SENP7: variants seen among roughly 807,000 people sequenced by gnomAD.
SENP7 encodes the protein sentrin-specific protease 7.
In SENP7, 64 loss-of-function variants were observed where a neutral mutation model predicts 141.2. The observed-to-expected ratio is 0.45, with a 90% CI of 0.37 to 0.56. The LOEUF is 0.56. Among genes scored for constraint, SENP7 ranks in the 20% least tolerant of loss-of-function variants. The probability of loss-of-function intolerance (pLI) is 0.00; values close to 1 mark genes in which losing one functional copy is unlikely to be tolerated. For missense variants in SENP7, 1,025 were observed against 1,212.2 expected (o/e 0.85, Z 2.29); for synonymous variants, 382 against 426.4 (o/e 0.90, Z 1.28).
At position 101,457,325 on chromosome 3, in the gene SENP7, T is replaced by C. The variant is rs1576413097; in HGVS notation, c.284+1630A>G. On this transcript the variant is annotated intron_variant, in intron 4 of 23. Transcript: ENST00000394095. Reference sequence around the variant, plus strand: ...CATCATCATCCTCCCCAGTAGCAAGTGGTGCTTTTCCATCCATGGATTGTT... The same window carrying C: ...CATCATCATCCTCCCCAGTAGCAAGCGGTGCTTTTCCATCCATGGATTGTT... 2.8e-6 allele frequency: 4 copies of C among 1,423,330 alleles called. No individual in the cohort carries two copies. In the East Asian group the frequency reaches 9.1e-5, roughly 32 times the overall value. The allele number at this position is 1,423,330 out of a possible 1,614,324, so 88.2% of individuals were successfully genotyped here. A position where few individuals can be genotyped will look rare whatever the true frequency, so the allele number is the denominator to read the frequency against.
chr3:101,497,021 T>G (rs1198678353), intron 2 of SENP7, among the ~76,000 whole-genome samples: 1 of 152,248 alleles, frequency 6.6e-6, no homozygotes, highest in Non-Finnish European at 1.5e-5. Context: ...TGAAATATGC[T>G]AATTTTCTAA....
chr3:101,510,489 C>T (rs1385696711), intron 1 of SENP7, among the ~76,000 whole-genome samples: 9 of 152,196 alleles, frequency 5.9e-5, no homozygotes, highest in Non-Finnish European at 1.2e-4. Flanking sequence ...TACCCACCTT[C>T]CTTCTACCTC....
At chr3:101,511,374 A>C (rs2065849702) in intron 1 of SENP7, among the ~76,000 whole-genome samples, 1 of 152,196 alleles carries the variant, frequency 6.6e-6, no homozygotes, top group African/African-American at 2.4e-5. Flanking sequence ...CCTAGATGAA[A>C]TGCATTTATT....
intron 13 of SENP7, among the ~76,000 whole-genome samples, chr3:101,346,855 A>G (rs951346090): frequency 6.6e-6 from 1 of 152,012 alleles, no homozygotes; most frequent in Non-Finnish European, 1.5e-5. Context: ...AATTACCACT[A>G]AAGAACTTAT....
intron 5 of SENP7, among the ~76,000 whole-genome samples, chr3:101,402,869 A>C (rs1046562939): frequency 3.3e-5 from 5 of 152,208 alleles, no homozygotes; most frequent in African/African-American, 9.6e-5. Flanking sequence ...TGTTGTTTTC[A>C]TGCCTGCTAA....
At chr3:101,487,717 A>C (rs1007702528) in intron 3 of SENP7, among the ~76,000 whole-genome samples, 1 of 152,162 alleles carries the variant, frequency 6.6e-6, no homozygotes, top group Non-Finnish European at 1.5e-5. Flanking sequence ...TTGAATAGGG[A>C]ATCCTTTCCC....
chr3:101,341,497 A>T lies in SENP7; in HGVS notation c.2240+149T>A, dbSNP rs116856873. On this transcript the variant is annotated intron_variant, in intron 15 of 23. Transcript: ENST00000394095. ...TCTTAATAAATTTTTTAACTTCCTCATAATTTCTTTAAAAAAACCTATTTC... is the reference window on the plus strand; with the variant it reads ...TCTTAATAAATTTTTTAACTTCCTCTTAATTTCTTTAAAAAAACCTATTTC... 3.0e-4 allele frequency: 194 copies of T among 642,588 alleles called. No homozygotes were observed. In the East Asian group the frequency reaches 6.0e-3, roughly 20 times the overall value. 39.8% of individuals were successfully genotyped at this position (642,588 alleles called of 1,614,324 possible).
rs762649525 is a variant in SENP7, at chr3:101,347,976, T to A, written c.1733A>T (p.Asp578Val). Residue 578 changes from aspartate (D) to valine (V), a missense_variant, in exon 13 of 24, where the codon GAT becomes GTT. Around this residue, in one of 4 missense-constraint regions of SENP7, gnomAD observed 228 missense variants for 228.5 expected, o/e 1.00. Transcript: ENST00000394095. ...AGCATGACTCCTTTTACTGTGATTA[T>A]CATCCTTACTTTTCCATAACCCAAA... ...KRFGLWKSKDDNHSKRSHAIL... is the reference protein window; with the variant it reads ...KRFGLWKSKDVNHSKRSHAIL... 7.4e-6 allele frequency: 12 copies of A among 1,611,494 alleles called. No homozygotes were observed. The African/African-American group carries it at 1.3e-4, about 18-fold the overall frequency.
intron 4 of SENP7, chr3:101,457,834 G>T: frequency 1.8e-6 from 1 of 562,046 alleles, no homozygotes; most frequent in Non-Finnish European, 3.2e-6. Flanking sequence ...GATGCAAGAC[G>T]GCAGCTAAAG....
rs573293464 is a variant in SENP7, at chr3:101,372,396, G to A, written c.678-270C>T. On this transcript the variant is annotated intron_variant, in intron 6 of 23. Transcript: ENST00000394095. Reference sequence around the variant, plus strand: ...GTGTACATGCAAAATGAGCAAAAGAGTAATACTATACAAGTATTAAATTAG... The same window carrying A: ...GTGTACATGCAAAATGAGCAAAAGAATAATACTATACAAGTATTAAATTAG... Among the ~76,000 whole-genome samples, 10 of 152,176 alleles carry A rather than the reference G, an allele frequency of 6.6e-5. No homozygotes were observed. In the East Asian group the frequency reaches 1.3e-3, roughly 21 times the overall value.
intron 4 of SENP7, chr3:101,457,100 G>A (rs748802271): frequency 1.6e-5 from 10 of 624,290 alleles, no homozygotes; most frequent in Non-Finnish European, 2.5e-5. Flanking sequence ...GAGCTGCAGT[G>A]TCCAAAGGGC....
intron 3 of SENP7, among the ~76,000 whole-genome samples, chr3:101,481,534 C>G (rs1022931274): frequency 4.6e-5 from 7 of 152,014 alleles, no homozygotes; most frequent in Non-Finnish European, 1.0e-4. Context: ...TTAATGGCTA[C>G]AAACATACAG....
intron 2 of SENP7, among the ~76,000 whole-genome samples, chr3:101,498,761 A>G (rs2065256602): frequency 6.6e-6 from 1 of 152,184 alleles, no homozygotes; most frequent in Non-Finnish European, 1.5e-5. Flanking sequence ...CGGGAGAATT[A>G]GGGCCTGCAC....
At position 101,449,211 on chromosome 3, in the gene SENP7, T is replaced by C. The variant is rs1308196869; in HGVS notation, c.284+9744A>G. On this transcript the variant is annotated intron_variant, in intron 4 of 23. Coordinates refer to ENST00000394095, the MANE Select transcript of SENP7 (RefSeq NM_020654.5). ...AAACGAATAAAGCCTCCAAGAAATA[T>C]GGGACTATGTGAAAAGACCAAATCT... Among the ~76,000 whole-genome samples, 6 of 152,192 alleles carry C rather than the reference T, an allele frequency of 3.9e-5. No individual in the cohort carries two copies. The East Asian group carries it at 9.6e-4, about 24-fold the overall frequency.
chr3:101,338,817 AG>A (rs1207206113), intron 16 of SENP7, among the ~76,000 whole-genome samples: 1 of 152,228 alleles, frequency 6.6e-6, no homozygotes, highest in Admixed American at 6.5e-5. Flanking sequence ...ATACTCAAAA[AG>A]GTCTTTCCTC....
At position 101,330,350 on chromosome 3, in the gene SENP7, C is replaced by T; in HGVS notation, c.2735G>A (p.Ser912Asn). 1 of 1,608,066 alleles carries T rather than the reference C, an allele frequency of 6.2e-7. No individual in the cohort carries two copies. Among genetic ancestry groups the T allele is most frequent in the Non-Finnish European group, 8.5e-7 (1 of 1,174,998 alleles). ...CACACTTACTTGGGAATCCTCTGCA[C>T]TCAAAGACAGTGTCGAAGTAGTACG... The part of the protein sequence containing the change: ...DLRTTSTLSL[S>N]AEDSQSTESN... Residue 912 changes from serine to asparagine, a missense_variant, in exon 20 of 24, where the codon AGT becomes AAT. By Grantham distance (46) the Ser-to-Asn change is conservative. This residue lies in a region of SENP7 where 295 missense variants were observed against 459.1 expected (regional missense o/e 0.64). Transcript: ENST00000394095.
intron 3 of SENP7, 63 bp downstream of exon 3, chr3:101,493,810 T>C (rs2065056154): frequency 2.0e-6 from 2 of 979,044 alleles, no homozygotes; most frequent in South Asian, 1.7e-5. Context: ...TCAGTTTTAT[T>C]ACAATATTTT....
intron 4 of SENP7, among the ~76,000 whole-genome samples, chr3:101,446,337 C>T (rs1317224706): frequency 6.6e-6 from 1 of 152,144 alleles, no homozygotes; most frequent in African/African-American, 2.4e-5. Context: ...TGAGAATGGA[C>T]TAATACACTC....
intron 4 of SENP7, among the ~76,000 whole-genome samples, chr3:101,434,847 A>G (rs1039640667): frequency 6.6e-6 from 1 of 152,162 alleles, no homozygotes; most frequent in East Asian, 1.9e-4. Context: ...ACATTTAAAT[A>G]AGAACAAATG....
Sources: allele counts gnomAD v4.1 joint callset (sites outside exome capture counted in the v4.1 genomes callset), GRCh38; gene constraint gnomAD v4.1.1; regional missense constraint gnomAD v4.1.1; transcripts MANE v1.5; gene names NCBI Gene and HGNC (gene_info 2026-07-23, HGNC 2026-07-21).